MAP2: variants seen among roughly 807,000 people sequenced by gnomAD.
MAP2 encodes microtubule associated protein 2.
In MAP2, 14 loss-of-function variants were observed where a neutral mutation model predicts 137.6. That is an observed-to-expected ratio of 0.10 (90% CI 0.07 to 0.16). The LOEUF is 0.16. Among genes scored for constraint, MAP2 ranks in the 10% least tolerant of loss-of-function variants. The pLI is 1.00. For missense variants in MAP2, 2,088 were observed against 2,191.5 expected (o/e 0.95, Z 0.94); for synonymous variants, 786 against 782.3 (o/e 1.00, Z -0.08).
In MAP2 at chr2:209,733,732, T is replaced by C. The variant is rs902197485; in HGVS notation, c.*3335T>C. The C allele has an allele frequency of 6.6e-6, 1 of 152,280 alleles. No individual in the cohort carries two copies. The highest frequency in any genetic ancestry group is 2.4e-5 in the African/African-American group (1 of 41,436). The allele number at this position is 152,280 out of a possible 1,614,324, so 9.4% of individuals were successfully genotyped here. On this transcript the variant is annotated 3_prime_UTR_variant, in exon 16 of 16. Transcript: ENST00000682079. ...TCCTTCAAAGATTGACGTGCTAAAATAAGCATTGATGTTTTGAGTTTTTTT... is the reference window on the plus strand; with the variant it reads ...TCCTTCAAAGATTGACGTGCTAAAACAAGCATTGATGTTTTGAGTTTTTTT...
At chr2:209,435,061 T>A (rs28610349) in intron 1 of MAP2, among the ~76,000 whole-genome samples, 1 of 149,170 alleles carries the variant, frequency 6.7e-6, no homozygotes, top group African/African-American at 2.5e-5. Flanking sequence ...TTACTAAGCA[T>A]CAAATATAAA....
chr2:209,696,925 A>G lies in MAP2; in HGVS notation c.4396A>G (p.Lys1466Glu). ...DEVRRKKAVY[K>E]KAELAKKTEV... ...TGTTTTCTTATTCATAGCAGTTTAT[A>G]AGAAGGCTGAACTTGCTAAAAAAAC... Residue 1466 changes from lysine to glutamate, a missense_variant, in exon 10 of 16, where the codon AAG becomes GAG. This residue lies in a region of MAP2 where 591 missense variants were observed against 642.6 expected (regional missense o/e 0.92). Transcript: ENST00000682079. 1 of 1,599,414 alleles carries G rather than the reference A, an allele frequency of 6.3e-7. No homozygotes were observed. Among genetic ancestry groups the G allele is most frequent in the Non-Finnish European group, 8.5e-7 (1 of 1,176,286 alleles).
intron 5 of MAP2, among the ~76,000 whole-genome samples, chr2:209,654,222 C>G (rs1043738784): frequency 6.6e-6 from 1 of 152,176 alleles, no homozygotes; most frequent in African/African-American, 2.4e-5. Context: ...ACTATTAGCT[C>G]AAGATAGTTT....
At chr2:209,592,562 G>C (rs1476878823) in intron 3 of MAP2, among the ~76,000 whole-genome samples, 1 of 152,096 alleles carries the variant, frequency 6.6e-6, no homozygotes, top group Admixed American at 6.5e-5. Flanking sequence ...ATTTGATCAG[G>C]TGTGCAGTTT....
chr2:209,481,007 G>A (rs1331908922), intron 1 of MAP2, among the ~76,000 whole-genome samples: 1 of 152,080 alleles, frequency 6.6e-6, no homozygotes, highest in Non-Finnish European at 1.5e-5. Context: ...CAGTACCTTC[G>A]AGGTTACAAG....
At chr2:209,425,799 A>G (rs1464184031) in intron 1 of MAP2, among the ~76,000 whole-genome samples, 1 of 152,212 alleles carries the variant, frequency 6.6e-6, no homozygotes, top group Non-Finnish European at 1.5e-5. Context: ...AGTCAAATAG[A>G]TTGAATAAAT....
In MAP2 at chr2:209,632,633, T is replaced by C. The variant is rs116255309; in HGVS notation, c.-30+7504T>C. On this transcript the variant is annotated intron_variant, in intron 4 of 15. Coordinates refer to ENST00000682079, the MANE Select transcript of MAP2 (RefSeq NM_001375505.1). Reference sequence around the variant, plus strand: ...CCATGCCCATCCAGATATGCTGTCGTCAGTCATCACAAACACACATGTCCC... The same window carrying C: ...CCATGCCCATCCAGATATGCTGTCGCCAGTCATCACAAACACACATGTCCC... Among the ~76,000 whole-genome samples, 715 of 152,296 alleles carry C rather than the reference T, an allele frequency of 4.7e-3. 9 individuals are homozygous for C. Among genetic ancestry groups the C allele is most frequent in the African/African-American group, 0.016 (668 of 41,562 alleles).
At chr2:209,483,743 C>T (rs1411698770) in intron 1 of MAP2, among the ~76,000 whole-genome samples, 3 of 152,044 alleles carry the variant, frequency 2.0e-5, no homozygotes, top group African/African-American at 7.2e-5. Context: ...GTGACAATGC[C>T]AGAGTTTGTG....
chr2:209,586,230 C>T (rs1244370365), intron 3 of MAP2, among the ~76,000 whole-genome samples: 4 of 151,926 alleles, frequency 2.6e-5, no homozygotes, highest in Non-Finnish European at 5.9e-5. Flanking sequence ...AAATCACAAG[C>T]CAAAGGCAGG....
chr2:209,658,467 C>T (rs2041912844), intron 5 of MAP2, among the ~76,000 whole-genome samples: 3 of 151,494 alleles, frequency 2.0e-5, no homozygotes, highest in Admixed American at 1.3e-4. Flanking sequence ...TTTGCTGTTG[C>T]TCACTTTTCA....
intron 11 of MAP2, among the ~76,000 whole-genome samples, chr2:209,701,857 G>A (rs1280863923): frequency 3.9e-5 from 6 of 151,950 alleles, no homozygotes; most frequent in South Asian, 2.1e-4. Flanking sequence ...GTGGTTGGCC[G>A]TAGGGCTATG....
At chr2:209,453,197 G>A (rs2149499304) in intron 1 of MAP2, among the ~76,000 whole-genome samples, 1 of 152,150 alleles carries the variant, frequency 6.6e-6, no homozygotes, top group African/African-American at 2.4e-5. Flanking sequence ...AATAAGTGTA[G>A]CGATGTTGTT....
At chr2:209,661,731 C>G in intron 5 of MAP2, 1 of 972,590 alleles carries the variant, frequency 1.0e-6, no homozygotes, top group Non-Finnish European at 1.2e-6. Context: ...CTAGGTGAAG[C>G]TGGTTGTGGG....
At chr2:209,636,629 A>G (rs2093596923) in intron 4 of MAP2, among the ~76,000 whole-genome samples, 1 of 151,924 alleles carries the variant, frequency 6.6e-6, no homozygotes. Flanking sequence ...ACAGCGTAAT[A>G]CATTGCATAT....
intron 1 of MAP2, among the ~76,000 whole-genome samples, chr2:209,436,740 G>A (rs1252105867): frequency 6.6e-6 from 1 of 151,642 alleles, no homozygotes; most frequent in Admixed American, 6.6e-5. Flanking sequence ...TTTGGAATCA[G>A]TGTTTGTGAC....
intron 3 of MAP2, among the ~76,000 whole-genome samples, chr2:209,614,991 A>T (rs750475107): frequency 2.0e-5 from 3 of 152,170 alleles, no homozygotes; most frequent in Non-Finnish European, 4.4e-5. Context: ...TTCTGCTCAG[A>T]TGACTGTAGC....
chr2:209,623,105 G>A (rs1337471425), intron 3 of MAP2, among the ~76,000 whole-genome samples: 1 of 152,086 alleles, frequency 6.6e-6, no homozygotes, highest in Non-Finnish European at 1.5e-5. Flanking sequence ...TAATGAACAT[G>A]CTCTTTGATA....
intron 4 of MAP2, among the ~76,000 whole-genome samples, chr2:209,630,963 A>G (rs527404739): frequency 8.6e-4 from 119 of 138,292 alleles, no homozygotes; most frequent in African/African-American, 2.5e-3. Flanking sequence ...TTGTCCCTTG[A>G]GCTAGAAAGT....
chr2:209,515,918 G>T (rs1186945927), intron 2 of MAP2, among the ~76,000 whole-genome samples: 1 of 152,006 alleles, frequency 6.6e-6, no homozygotes, highest in African/African-American at 2.4e-5. Flanking sequence ...CTCCTGAGTA[G>T]CTGGGGCCAC....
Sources: allele counts gnomAD v4.1 joint callset (sites outside exome capture counted in the v4.1 genomes callset), GRCh38; gene constraint gnomAD v4.1.1; regional missense constraint gnomAD v4.1.1; transcripts MANE v1.5; gene names NCBI Gene and HGNC (gene_info 2026-07-23, HGNC 2026-07-21).